The following CACNA1G variants were observed in gnomAD, a reference collection of about 807,000 sequenced individuals.
CACNA1G encodes the protein voltage-dependent T-type calcium channel subunit alpha-1G.
A neutral mutation model predicts 219.4 loss-of-function variants in CACNA1G; 67 were observed. That is an observed-to-expected ratio of 0.31 (90% CI 0.25 to 0.37). The LOEUF (loss-of-function observed/expected upper bound fraction) is 0.37, where lower values mean the gene tolerates loss of function less well. Among genes scored for constraint, CACNA1G ranks in the 10% least tolerant of loss-of-function variants. The pLI, the probability that CACNA1G is intolerant of heterozygous loss-of-function variation, is 1.00. For synonymous variants in CACNA1G, 1,296 were observed against 1,345.3 expected (o/e 0.96, Z 0.80); for missense variants, 2,380 against 3,231.4 (o/e 0.74, Z 6.39).
In CACNA1G at chr17:50,618,463, A is replaced by AG; in HGVS notation, c.5427+120_5427+121insG. 1 of 1,339,914 alleles carries AG rather than the reference A, an allele frequency of 7.5e-7. No homozygotes were observed. The highest frequency in any genetic ancestry group is 1.4e-5 in the African/African-American group (1 of 69,464). 83.0% of individuals were successfully genotyped at this position (1,339,914 alleles called of 1,614,324 possible). On this transcript the variant is annotated intron_variant, in intron 32 of 37. Coordinates refer to ENST00000359106, the MANE Select transcript of CACNA1G (RefSeq NM_018896.5). The surrounding 1 kb of genome is among the most constrained non-coding windows in gnomAD (Gnocchi z 5.3). ...TGTGACCTTCTCTCCCCCGTGCTAG[A>AG]ACACTCTGGAACTCCCTCTCCCAGG...
Position 50,606,119 on chromosome 17 carries a change from G to T in CACNA1G, c.4422+96G>T, listed in dbSNP as rs1189427721. ...TACCTGCTGACTCCGGTGGAGGTGGGCTCCACGAAGAGATCAGCCCTTCAC... is the reference window on the plus strand; with the variant it reads ...TACCTGCTGACTCCGGTGGAGGTGGTCTCCACGAAGAGATCAGCCCTTCAC... On this transcript the variant is annotated intron_variant, in intron 23 of 37. Transcript: ENST00000359106. 2.7e-6 allele frequency: 4 copies of T among 1,504,642 alleles called. No homozygotes were observed. The East Asian group carries it at 6.8e-5, about 25-fold the overall frequency. The allele number at this position is 1,504,642 out of a possible 1,614,324, so 93.2% of individuals were successfully genotyped here.
chr17:50,620,161 G>T (rs1187694783), intron 34 of CACNA1G, among the ~76,000 whole-genome samples: 3 of 152,074 alleles, frequency 2.0e-5, no homozygotes, highest in Non-Finnish European at 4.4e-5. Context: ...GGACCTTAGG[G>T]GGTGGAGGGA....
At chr17:50,572,417 C>T in intron 5 of CACNA1G, 137 bp from the exon 6 acceptor site, 1 of 720,544 alleles carries the variant, frequency 1.4e-6, no homozygotes, top group Non-Finnish European at 2.2e-6. Context: ...CTGCCCTGCC[C>T]AGTCCCTTCC....
intron 9 of CACNA1G, among the ~76,000 whole-genome samples, chr17:50,589,912 C>CTCTCTCTCTCTCTCTCTGTGTGTGTGTG (rs1326523232): frequency 7.1e-6 from 1 of 141,836 alleles, no homozygotes; most frequent in African/African-American, 2.8e-5. Context: ...CTCTCTCTCT[C>CTCTCTCTCTCTCTCTCTGTGTGTGTGTG]TGTGTGTGTG....
chr17:50,596,859 C>A lies in CACNA1G; in HGVS notation c.3194C>A (p.Ala1065Glu), dbSNP rs377426630. 1.1e-5 allele frequency: 17 copies of A among 1,596,726 alleles called. No individual in the cohort carries two copies. In the East Asian group the frequency reaches 3.4e-4, roughly 32 times the overall value. ...GGCCTGGGCGAGGCGCTGGGCCCTG[C>A]GTCGCGCCGCACCAGCAGCAGCGGG... ...STGLGEALGP[A>E]SRRTSSSGSA... Residue 1065 changes from alanine (A) to glutamate (E), a missense_variant, in exon 16 of 38, where the codon GCG becomes GAG. By Grantham distance (107) the Ala-to-Glu change is moderately radical (BLOSUM62 -1). Coordinates refer to ENST00000359106, the MANE Select transcript of CACNA1G (RefSeq NM_018896.5). The surrounding 1 kb of genome is among the most constrained non-coding windows in gnomAD (Gnocchi z 4.8).
chr17:50,588,052 A>G (rs2043349524), intron 9 of CACNA1G, among the ~76,000 whole-genome samples: 1 of 152,170 alleles, frequency 6.6e-6, no homozygotes, highest in South Asian at 2.1e-4. Context: ...AACTTTTAAA[A>G]GAACGTTTCA....
intron 9 of CACNA1G, among the ~76,000 whole-genome samples, chr17:50,581,278 C>A (rs1008827559): frequency 6.6e-6 from 1 of 151,412 alleles, no homozygotes. Flanking sequence ...AGGGCAGAGA[C>A]GGGGTGGGAT....
intron 23 of CACNA1G, chr17:50,606,332 A>C (rs2047961844): frequency 1.5e-6 from 1 of 648,318 alleles, no homozygotes; most frequent in African/African-American, 1.8e-5. Flanking sequence ...CAGTGGGGGC[A>C]GGCAGCCCTG....
chr17:50,590,251 A>G (rs987974833), intron 9 of CACNA1G, among the ~76,000 whole-genome samples: 1 of 152,066 alleles, frequency 6.6e-6, no homozygotes, highest in African/African-American at 2.4e-5. Flanking sequence ...AGCTGGGGCT[A>G]TGGGTTTCAC....
rs2039419368 is a variant in CACNA1G, at chr17:50,571,418, G to T, written c.587-460G>T. Among the ~76,000 whole-genome samples, 1 of 152,172 alleles carries T rather than the reference G, an allele frequency of 6.6e-6. No homozygotes were observed. The highest frequency in any genetic ancestry group is 6.5e-5 in the Admixed American group (1 of 15,286). On this transcript the variant is annotated intron_variant, in intron 4 of 37. Coordinates refer to ENST00000359106, the MANE Select transcript of CACNA1G (RefSeq NM_018896.5). This position sits in a 1 kb window ranked among gnomAD's most constrained non-coding sequence, Gnocchi z 4.3. ...GTTGAGAGAAGGAAGTAGGTAGGGA[G>T]TGTGCGTGTGAATGTGTGCGGGTGT... is the stretch of plus-strand genomic sequence containing the variant.
At chr17:50,616,870 G>GTTTTT (rs1213578682) in intron 28 of CACNA1G, among the ~76,000 whole-genome samples, 3 of 152,074 alleles carry the variant, frequency 2.0e-5, no homozygotes, top group Non-Finnish European at 4.4e-5. Flanking sequence ...GTTTTGTTTT[G>GTTTTT]TTTTCTGATG....
chr17:50,606,868 T>G, intron 23 of CACNA1G, 32 bp from the exon 24 acceptor site: 1 of 1,544,524 alleles, frequency 6.5e-7, no homozygotes, highest in South Asian at 1.1e-5. Flanking sequence ...CATCCTAGAC[T>G]TCAAATGTCT....
Position 50,561,259 on chromosome 17 carries a change from C to T in CACNA1G, c.-201C>T, listed in dbSNP as rs1456830472. 1.0e-5 allele frequency: 6 copies of T among 581,522 alleles called. No individual in the cohort carries two copies. Among genetic ancestry groups the T allele is most frequent in the Non-Finnish European group, 1.8e-5 (6 of 342,726 alleles). The allele number at this position is 581,522 out of a possible 1,614,324, so 36.0% of individuals were successfully genotyped here. ...GGGACTCGCGCCGGGCGGGGTTTCCCTGCGCCCCGGCGCCCCGCGGGCAGC... is the reference window on the plus strand; with the variant it reads ...GGGACTCGCGCCGGGCGGGGTTTCCTTGCGCCCCGGCGCCCCGCGGGCAGC... On this transcript the variant is annotated 5_prime_UTR_variant, in exon 1 of 38. Transcript: ENST00000359106.
In CACNA1G at chr17:50,595,021, G is replaced by C; in HGVS notation, c.2939G>C (p.Gly980Ala). The C allele has an allele frequency of 6.4e-7, 1 of 1,554,490 alleles. No individual in the cohort carries two copies. Among genetic ancestry groups the C allele is most frequent in the Non-Finnish European group, 8.7e-7 (1 of 1,148,546 alleles). Residue 980 changes from glycine (G) to alanine (A), a missense_variant, in exon 14 of 38, where the codon GGA (glycine) becomes GCA (alanine). By Grantham distance (60) the Gly-to-Ala change is moderately conservative. Coordinates refer to ENST00000359106, the MANE Select transcript of CACNA1G (RefSeq NM_018896.5). ...EEISKREDAS[G>A]QLSCIQLPVD... ...ATCAGCAAACGGGAAGATGCGAGTG[G>C]ACAGTTAAGCTGTATTCAGCTGCCT...
chr17:50,589,894 T>TTCTC (rs35679930), intron 9 of CACNA1G, among the ~76,000 whole-genome samples: 5 of 138,834 alleles, frequency 3.6e-5, no homozygotes, highest in South Asian at 2.6e-4. Context: ...GCGTGCATTT[T>TTCTC]TCTCTCTCTC....
Position 50,624,351 on chromosome 17 carries a change from C to T in CACNA1G, c.6230-9C>T. 5.1e-6 allele frequency: 8 copies of T among 1,566,942 alleles called. No homozygotes were observed. The highest frequency in any genetic ancestry group is 6.1e-6 in the Non-Finnish European group (7 of 1,155,392). On this transcript the variant is annotated splice_polypyrimidine_tract_variant and intron_variant, in intron 36 of 37. Coordinates refer to ENST00000359106, the MANE Select transcript of CACNA1G (RefSeq NM_018896.5). ...CCCCCACCCCTCCCCCGCTTCCCTCCCTCCACAGGCTCCGTCTTGTCCGTT... is the reference window on the plus strand; with the variant it reads ...CCCCCACCCCTCCCCCGCTTCCCTCTCTCCACAGGCTCCGTCTTGTCCGTT...
chr17:50,590,986 C>G (rs180707485), intron 10 of CACNA1G, among the ~76,000 whole-genome samples: 2 of 152,130 alleles, frequency 1.3e-5, no homozygotes, highest in Non-Finnish European at 1.5e-5. Flanking sequence ...GCCAGCTGCC[C>G]GGCTCGAAAA....
intron 19 of CACNA1G, 55 bp downstream of exon 19, chr17:50,601,229 C>G: frequency 6.3e-7 from 1 of 1,595,342 alleles, no homozygotes; most frequent in Non-Finnish European, 8.6e-7. Flanking sequence ...GCACTCAGGA[C>G]CAGTGAGGGA....
Position 50,617,462 on chromosome 17 carries a change from T to C in CACNA1G, c.5046T>C (p.Ile1682=), listed in dbSNP as rs1386426122. The change falls in exon 29 of 38, where the codon ATT becomes ATC. Residue 1682 remains isoleucine (I), a synonymous_variant. Coordinates refer to ENST00000359106, the MANE Select transcript of CACNA1G (RefSeq NM_018896.5). The surrounding 1 kb of genome is among the most constrained non-coding windows in gnomAD (Gnocchi z 5.8). ...GGTGGAACCAGCTGGACCTGGCCAT[T>C]GTGCTGCTGTCCATCATGGGCATCA... ...QDRWNQLDLA[I]VLLSIMGITL... is the part of the protein sequence containing the mutation. The C allele has an allele frequency of 4.3e-6, 7 of 1,613,880 alleles. No individual in the cohort carries two copies. The highest frequency in any genetic ancestry group is 1.1e-5 in the South Asian group (1 of 91,038).
Sources: allele counts gnomAD v4.1 joint callset (sites outside exome capture counted in the v4.1 genomes callset), GRCh38; gene constraint gnomAD v4.1.1; non-coding constraint Gnocchi (gnomAD v3.1); transcripts MANE v1.5; gene names NCBI Gene and HGNC (gene_info 2026-07-23, HGNC 2026-07-21).